RARB: variants seen among roughly 807,000 people sequenced by gnomAD.
RARB encodes HBV-activated protein.
In RARB, 17 loss-of-function variants were observed where a neutral mutation model predicts 51.9. That is an observed-to-expected ratio of 0.33 (90% CI 0.22 to 0.49). RARB has a LOEUF of 0.49. RARB is among the 20% of genes least tolerant of loss of function. The pLI is 0.99. For synonymous variants in RARB, 215 were observed against 195.4 expected, an observed-to-expected ratio of 1.10 and a Z score of -0.84; for missense variants, 369 against 550.8, an observed-to-expected ratio of 0.67 and a Z score of 3.30.
chr3:25,025,495 G>A (rs1262984353), intron 2 of RARB, among the ~76,000 whole-genome samples: 1 of 152,184 alleles, frequency 6.6e-6, no homozygotes. Context: ...GTGCCCAGCT[G>A]TTTGATGATA....
intron 3 of RARB, among the ~76,000 whole-genome samples, chr3:25,545,516 G>T (rs1401870859): frequency 6.6e-6 from 1 of 152,146 alleles, no homozygotes; most frequent in South Asian, 2.1e-4. Context: ...CTCAGACCCA[G>T]CTGGCCATCC....
At chr3:25,280,321 C>T (rs1703491865) in intron 5 of RARB, among the ~76,000 whole-genome samples, 1 of 152,104 alleles carries the variant, frequency 6.6e-6, no homozygotes, top group Admixed American at 6.6e-5. Flanking sequence ...GGGCAACTCT[C>T]AAATGAGGGT....
chr3:25,327,265 A>T (rs1377823573), intron 5 of RARB, among the ~76,000 whole-genome samples: 1 of 152,206 alleles, frequency 6.6e-6, no homozygotes, highest in Admixed American at 6.5e-5. Flanking sequence ...ACTGAAGAAT[A>T]CAAAATTTCA....
intron 2 of RARB, among the ~76,000 whole-genome samples, chr3:24,943,259 T>A (rs1299183799): frequency 6.6e-6 from 1 of 152,244 alleles, no homozygotes; most frequent in Non-Finnish European, 1.5e-5. Flanking sequence ...TTCCTTTTAT[T>A]GCACTTGGTG....
intron 5 of RARB, among the ~76,000 whole-genome samples, chr3:25,206,466 T>C (rs1354797068): frequency 3.3e-5 from 5 of 152,170 alleles, no homozygotes; most frequent in Non-Finnish European, 7.3e-5. Flanking sequence ...CATAATGAGG[T>C]CTTTTGACTG....
chr3:25,313,974 G>A (rs1228950463), intron 5 of RARB, among the ~76,000 whole-genome samples: 2 of 152,050 alleles, frequency 1.3e-5, no homozygotes, highest in African/African-American at 4.8e-5. Context: ...GGGCGGCTGA[G>A]GCAAGAGGAT....
intron 3 of RARB, among the ~76,000 whole-genome samples, chr3:25,066,755 C>T (rs1025094623): frequency 6.6e-6 from 1 of 151,134 alleles, no homozygotes; most frequent in African/African-American, 2.4e-5. Flanking sequence ...CAAAAAAAAA[C>T]AGAAAAATAA....
chr3:25,103,150 G>A (rs1282775859), intron 3 of RARB, among the ~76,000 whole-genome samples: 1 of 152,176 alleles, frequency 6.6e-6, no homozygotes, highest in African/African-American at 2.4e-5. Context: ...CCAGGATCAT[G>A]AGCTTCGTTC....
intron 2 of RARB, among the ~76,000 whole-genome samples, chr3:24,924,923 A>G (rs1695286297): frequency 1.3e-5 from 2 of 152,134 alleles, no homozygotes; most frequent in Admixed American, 1.3e-4. Context: ...TGCCTGGCAC[A>G]TAGAGGATGG....
intron 5 of RARB, among the ~76,000 whole-genome samples, chr3:25,240,719 T>G (rs938271038): frequency 6.6e-6 from 1 of 152,204 alleles, no homozygotes; most frequent in African/African-American, 2.4e-5. Context: ...GATGTGCTGT[T>G]GAATTCAGTT....
intron 3 of RARB, among the ~76,000 whole-genome samples, chr3:25,515,141 C>A (rs1404240565): frequency 6.6e-6 from 1 of 152,180 alleles, no homozygotes; most frequent in Non-Finnish European, 1.5e-5. Flanking sequence ...CTATGGAGTG[C>A]AAAGCCCCAT....
chr3:25,464,697 T>G (rs1695343606), intron 2 of RARB, among the ~76,000 whole-genome samples: 1 of 152,044 alleles, frequency 6.6e-6, no homozygotes, highest in African/African-American at 2.4e-5. Flanking sequence ...TTTAAAAAAA[T>G]TATCAATACA....
At position 25,428,723 on chromosome 3, in the gene RARB, A is replaced by T; in HGVS notation, c.-9A>T. 3 of 1,612,922 alleles carry T rather than the reference A, an allele frequency of 1.9e-6. No individual in the cohort carries two copies. The South Asian group carries it at 3.3e-5, about 18-fold the overall frequency. On this transcript the variant is annotated 5_prime_UTR_variant, in exon 1 of 8. It adds an upstream start codon to the 5' untranslated region. Coordinates refer to ENST00000330688, the MANE Select transcript of RARB (RefSeq NM_000965.5). ...AGCACTTTTGCAGACATTCAGTGCA[A>T]GGGAGATCATGTTTGACTGTATGGA...
At chr3:25,417,139 G>A (rs1054969457) in intron 5 of RARB, among the ~76,000 whole-genome samples, 1 of 151,780 alleles carries the variant, frequency 6.6e-6, no homozygotes, top group Non-Finnish European at 1.5e-5. Flanking sequence ...TCAGAATTAG[G>A]GGTAAAAGTT....
intron 2 of RARB, among the ~76,000 whole-genome samples, chr3:24,970,943 C>A (rs766910645): frequency 1.6e-4 from 25 of 152,076 alleles, no homozygotes; most frequent in African/African-American, 5.3e-4. Context: ...TCATCAGTTA[C>A]AATTGTTCTT....
intron 3 of RARB, among the ~76,000 whole-genome samples, chr3:25,511,575 CTGTGAATA>C (rs1319233359): frequency 5.9e-5 from 9 of 152,252 alleles, no homozygotes; most frequent in African/African-American, 2.2e-4. Flanking sequence ...GTGTAGCAGC[CTGTGAATA>C]TGTGCAAAAT....
At chr3:25,179,175 CTT>C (rs1700814797) in intron 5 of RARB, among the ~76,000 whole-genome samples, 1 of 152,106 alleles carries the variant, frequency 6.6e-6, no homozygotes, top group Admixed American at 6.6e-5. Flanking sequence ...TAAAATGAGT[CTT>C]ATTTCTATTT....
intron 5 of RARB, among the ~76,000 whole-genome samples, chr3:25,302,593 G>T (rs950174832): frequency 6.6e-6 from 1 of 152,216 alleles, no homozygotes; most frequent in Non-Finnish European, 1.5e-5. Flanking sequence ...GCTTCCAGGG[G>T]CTGGGGACAA....
At chr3:25,072,716 ATT>A (rs200445618) in intron 3 of RARB, among the ~76,000 whole-genome samples, 1 of 148,600 alleles carries the variant, frequency 6.7e-6, no homozygotes, top group Admixed American at 6.7e-5. Flanking sequence ...TTTTTTATTT[ATT>A]TTTTTTTTGA....
Sources: allele counts gnomAD v4.1 joint callset (sites outside exome capture counted in the v4.1 genomes callset), GRCh38; gene constraint gnomAD v4.1.1; transcripts MANE v1.5; gene names NCBI Gene and HGNC (gene_info 2026-07-23, HGNC 2026-07-21).